The following CGREF1 variants were observed in gnomAD, a reference collection of about 807,000 sequenced individuals.
CGREF1 encodes the protein cell growth regulator with EF hand domain protein 1.
In CGREF1, 16 loss-of-function variants were observed where a neutral mutation model predicts 17.4. The ratio of observed to expected loss-of-function variants is 0.92; its 90% confidence interval spans 0.62 to 1.40. The LOEUF is 1.40. CGREF1 is among the 40% of genes most tolerant of loss of function. CGREF1 has a pLI of 0.00. For synonymous variants in CGREF1, 142 were observed against 154.6 expected (o/e 0.92, Z 0.61); for missense variants, 296 against 376.4 (o/e 0.79, Z 1.77).
rs893499547 is a variant in CGREF1 at position 27,101,902 on chromosome 2, G to A, written c.343-14C>T. The A allele has an allele frequency of 6.2e-7, 1 of 1,607,068 alleles. No homozygotes were observed. The highest frequency in any genetic ancestry group is 8.5e-7 in the Non-Finnish European group (1 of 1,177,080). The stretch of plus-strand genomic sequence containing the variant: ...TATCAAGATCACCTGTGGAAGCAGA[G>A]TCACTGTGGGGTCTCCAGGGACAGA... On this transcript the variant is annotated splice_polypyrimidine_tract_variant and intron_variant, in intron 5 of 5. Transcript: ENST00000402394.
At chr2:27,111,730 C>CCGGGGCCGG (rs1411485337) in intron 1 of CGREF1, among the ~76,000 whole-genome samples, 3 of 152,082 alleles carry the variant, frequency 2.0e-5, no homozygotes, top group Non-Finnish European at 2.9e-5. Flanking sequence ...CCCTCACTGC[C>CCGGGGCCGG]CGGGGCCGGC....
At chr2:27,109,885 CAAA>C (rs55824603) in intron 1 of CGREF1, among the ~76,000 whole-genome samples, 111 of 65,784 alleles carry the variant, frequency 1.7e-3, no homozygotes, top group African/African-American at 8.3e-3. Flanking sequence ...GACTCCGTCT[CAAA>C]AAAAAAAAAA....
chr2:27,111,550 G>T (rs573973844), intron 1 of CGREF1, among the ~76,000 whole-genome samples: 1 of 152,370 alleles, frequency 6.6e-6, no homozygotes, highest in African/African-American at 2.4e-5. Context: ...GGGACAGGGC[G>T]CCGTGGAGCA....
At chr2:27,112,196 AG>A (rs2148396491) in intron 1 of CGREF1, among the ~76,000 whole-genome samples, 1 of 152,306 alleles carries the variant, frequency 6.6e-6, no homozygotes, top group East Asian at 1.9e-4. Flanking sequence ...GGATGACTTG[AG>A]CCCAGGAGGT....
Position 27,116,902 on chromosome 2 carries a change from TC to T in CGREF1, c.-12+1943del, listed in dbSNP as rs1558466884. 6.2e-4 allele frequency among the ~76,000 whole-genome samples: 83 copies of T among 134,156 alleles called. 2 individuals carry two copies. Among genetic ancestry groups the T allele is most frequent in the Middle Eastern group, 7.5e-3 (2 of 268 alleles). 88.0% of individuals were successfully genotyped at this position (134,156 alleles called of 152,430 possible). On this transcript the variant is annotated intron_variant, in intron 1 of 5. Coordinates refer to ENST00000402394, the MANE Select transcript of CGREF1 (RefSeq NM_006569.6). The stretch of plus-strand genomic sequence containing the variant: ...CTCTCTCTCTCTCTCTCTCTCTCTC[TC>T]TCTCTCTCTCTCTCTCTCTCTTTTT...
At chr2:27,099,694 G>A (rs375971120), downstream of CGREF1, 8 of 1,614,012 alleles carry the variant, frequency 5.0e-6, no homozygotes, top group South Asian at 3.3e-5. Flanking sequence ...ACTGAGATTC[G>A]GGTGCCAGGT....
chr2:27,108,019 T>C (rs1671203115), intron 1 of CGREF1, among the ~76,000 whole-genome samples: 2 of 150,752 alleles, frequency 1.3e-5, no homozygotes, highest in African/African-American at 4.9e-5. Flanking sequence ...ACATAACTTT[T>C]AGAAATAAAA....
Position 27,101,304 on chromosome 2 carries a change from G to A in CGREF1, c.927C>T (p.His309=). The A allele has an allele frequency of 1.3e-6, 2 of 1,579,414 alleles. No homozygotes were observed. Among genetic ancestry groups the A allele is most frequent in the Non-Finnish European group, 1.7e-6 (2 of 1,162,380 alleles). Residue 309 remains histidine, a synonymous_variant, in exon 6 of 6, where the codon CAC becomes CAT. Transcript: ENST00000402394. ...SKNTQNDFEV[H]IVQVENDEI is the part of the protein sequence containing the mutation. ...TCTCATCATTCTCCACTTGAACAAT[G>A]TGCACCTCAAAGTCATTTTGGGTGT... is the stretch of plus-strand genomic sequence containing the variant.
intron 1 of CGREF1, among the ~76,000 whole-genome samples, chr2:27,105,621 A>G (rs1039701178): frequency 6.6e-6 from 1 of 151,912 alleles, no homozygotes; most frequent in African/African-American, 2.4e-5. Context: ...ATCTCAGCTC[A>G]CTGCAACCTC....
In CGREF1 at chr2:27,101,866, A is replaced by C; in HGVS notation, c.365T>G (p.Val122Gly). ...TNPVILIVDK[V>G]LETQDLNGDG... Reference sequence around the variant, plus strand: ...CCCATTCAGGTCCTGGGTCTCGAGCACTTTGTCCACTATCAAGATCACCTG... The same window carrying C: ...CCCATTCAGGTCCTGGGTCTCGAGCCCTTTGTCCACTATCAAGATCACCTG... The change falls in exon 6 of 6, where the codon GTG becomes GGG. Residue 122 changes from valine to glycine, a missense_variant. Physicochemically the swap from Val to Gly is moderately radical, Grantham distance 109 (BLOSUM62 -3). Around this residue, in one of 3 missense-constraint regions of CGREF1, gnomAD observed 247 missense variants for 267.2 expected, o/e 0.92. Transcript: ENST00000402394. 6.2e-7 allele frequency: 1 copy of C among 1,613,046 alleles called. No homozygotes were observed.
chr2:27,117,070 A>C (rs887293774), intron 1 of CGREF1, among the ~76,000 whole-genome samples: 1 of 151,618 alleles, frequency 6.6e-6, no homozygotes, highest in African/African-American at 2.4e-5. Flanking sequence ...GCACCACTAC[A>C]CCTGGCTAAT....
chr2:27,116,871 T>TTCTCTCTCTC lies in CGREF1; in HGVS notation c.-12+1965_-12+1974dup, dbSNP rs537582075. 6.4e-3 allele frequency among the ~76,000 whole-genome samples: 215 copies of TTCTCTCTCTC among 33,642 alleles called. 3 individuals carry two copies. Among genetic ancestry groups the TTCTCTCTCTC allele is most frequent in the South Asian group, 0.011 (7 of 640 alleles). 22.1% of individuals were successfully genotyped at this position (33,642 alleles called of 152,430 possible). ...GGGATGAGCCACCAGGCCAGGCCTA[T>TTCTCTCTCTC]TCTCTCTCTCTCTCTCTCTCTCTCT... On this transcript the variant is annotated intron_variant, in intron 1 of 5. Transcript: ENST00000402394.
At position 27,100,879 on chromosome 2, in the gene CGREF1, T is replaced by G; in HGVS notation, c.*395A>C. 9.2e-7 allele frequency: 1 copy of G among 1,090,574 alleles called. No homozygotes were observed. The highest frequency in any genetic ancestry group is 1.1e-6 in the Non-Finnish European group (1 of 894,926). The allele number at this position is 1,090,574 out of a possible 1,614,324, so 67.6% of individuals were successfully genotyped here. A position where few individuals can be genotyped will look rare whatever the true frequency, so the allele number is the denominator to read the frequency against. On this transcript the variant is annotated 3_prime_UTR_variant, in exon 6 of 6. Transcript: ENST00000402394. The stretch of plus-strand genomic sequence containing the variant: ...CCAGGTGAGGGGGAACCGGTGAGGG[T>G]TTGGGGCCCAGGGATAGACTGAGCT...
At position 27,101,259 on chromosome 2, in the gene CGREF1, C is replaced by T; in HGVS notation, c.*15G>A. On this transcript the variant is annotated 3_prime_UTR_variant, in exon 6 of 6. Coordinates refer to ENST00000402394, the MANE Select transcript of CGREF1 (RefSeq NM_006569.6). ...CTGGCACTGAGACTTCGTGGGGTAC[C>T]TGTATCTTCAAGATCTAGATCTCAT... The T allele has an allele frequency of 1.3e-6, 2 of 1,531,348 alleles. No homozygotes were observed. The highest frequency in any genetic ancestry group is 1.8e-6 in the Non-Finnish European group (2 of 1,139,042). 94.9% of individuals were successfully genotyped at this position (1,531,348 alleles called of 1,614,324 possible). A position where few individuals can be genotyped will look rare whatever the true frequency, so the allele number is the denominator to read the frequency against.
At chr2:27,103,186 CAGAG>C in intron 2 of CGREF1, 6 of 896,672 alleles carry the variant, frequency 6.7e-6, no homozygotes, top group Non-Finnish European at 8.0e-6. Context: ...CCTGTGATGC[CAGAG>C]AGCTGGCAGG....
chr2:27,108,801 A>G (rs1261898571), intron 1 of CGREF1, among the ~76,000 whole-genome samples: 1 of 152,188 alleles, frequency 6.6e-6, no homozygotes, highest in East Asian at 1.9e-4. Context: ...TTGCAGAATG[A>G]GGTGAAGCAA....
chr2:27,104,708 A>G (rs2148384931), intron 1 of CGREF1: 1 of 1,547,062 alleles, frequency 6.5e-7, no homozygotes, highest in Non-Finnish European at 8.7e-7. Context: ...GCGCAAGCAT[A>G]TCTGACCTCC....
intron 5 of CGREF1, 84 bp from the exon 6 acceptor site, chr2:27,101,972 C>T: frequency 6.4e-7 from 1 of 1,566,764 alleles, no homozygotes; most frequent in Non-Finnish European, 8.6e-7. Context: ...CCCTTGCATC[C>T]CTGCCGTGCA....
At position 27,118,959 on chromosome 2, in the gene CGREF1, G is replaced by T. The variant is rs1308782588; in HGVS notation, c.-125C>A. The T allele has an allele frequency of 6.6e-6, 1 of 152,050 alleles. No individual in the cohort carries two copies. The highest frequency in any genetic ancestry group is 2.4e-5 in the African/African-American group (1 of 41,328). 9.4% of individuals were successfully genotyped at this position (152,050 alleles called of 1,614,324 possible). The stretch of plus-strand genomic sequence containing the variant: ...CTCCCCCGGGCCGCTCCACGTGGCC[G>T]CTCCACGTCGCCCTCCCGGCTGGAG... On this transcript the variant is annotated 5_prime_UTR_variant, in exon 1 of 6. Transcript: ENST00000402394.
Sources: allele counts gnomAD v4.1 joint callset (sites outside exome capture counted in the v4.1 genomes callset), GRCh38; gene constraint gnomAD v4.1.1; regional missense constraint gnomAD v4.1.1; transcripts MANE v1.5; gene names NCBI Gene and HGNC (gene_info 2026-07-23, HGNC 2026-07-21).